Variants in KCNB2 observed in about 807,000 individuals in gnomAD.
The protein encoded by KCNB2 is potassium voltage-gated channel subfamily B member 2.
In KCNB2, 15 loss-of-function variants were observed where a neutral mutation model predicts 61.5. The ratio of observed to expected loss-of-function variants is 0.24; its 90% confidence interval spans 0.16 to 0.38. The LOEUF (loss-of-function observed/expected upper bound fraction) is 0.38, where lower values mean the gene tolerates loss of function less well. Ranked by LOEUF, KCNB2 falls within the 10% of genes least tolerant of loss-of-function variation. The pLI is 1.00. For missense variants in KCNB2, 828 were observed against 1,125.2 expected, an observed-to-expected ratio of 0.74 and a Z score of 3.78; for synonymous variants, 457 against 446.0, an observed-to-expected ratio of 1.02 and a Z score of -0.31.
In KCNB2 at chr8:72,568,201, C is replaced by T; in HGVS notation, c.467C>T (p.Ala156Val). 6.2e-7 allele frequency: 1 copy of T among 1,614,114 alleles called. No individual in the cohort carries two copies. The highest frequency in any genetic ancestry group is 8.5e-7 in the Non-Finnish European group (1 of 1,180,014). ...EQMNEELRRE[A>V]ETMREREGEE... ...ATGAACGAAGAACTGAGGCGAGAGG[C>T]AGAGACTATGCGAGAGCGAGAAGGA... Residue 156 changes from alanine (A) to valine (V), a missense_variant, in exon 2 of 3, where the codon GCA becomes GTA. Around this residue, in one of 4 missense-constraint regions of KCNB2, gnomAD observed 163 missense variants for 314.4 expected, o/e 0.52. Transcript: ENST00000523207.
chr8:72,630,831 C>A (rs1381415237), intron 2 of KCNB2, among the ~76,000 whole-genome samples: 1 of 152,126 alleles, frequency 6.6e-6, no homozygotes, highest in Non-Finnish European at 1.5e-5. Context: ...AAAGAAGATA[C>A]ATCAGGACAC....
In KCNB2 at chr8:72,629,352, G is replaced by A. The variant is rs115353599; in HGVS notation, c.579+61039G>A. On this transcript the variant is annotated intron_variant, in intron 2 of 2. Coordinates refer to ENST00000523207, the MANE Select transcript of KCNB2 (RefSeq NM_004770.3). ...AGTCAGGTAAGCTCGCCCCTTATGG[G>A]AGTCTATGCTTTCTAGAAACTCCAC... Among the ~76,000 whole-genome samples, 797 of 152,256 alleles carry A rather than the reference G, an allele frequency of 5.2e-3. 10 individuals carry two copies. Among genetic ancestry groups the A allele is most frequent in the African/African-American group, 0.018 (750 of 41,558 alleles).
intron 2 of KCNB2, among the ~76,000 whole-genome samples, chr8:72,590,449 GA>G (rs1478507062): frequency 2.0e-5 from 3 of 152,018 alleles, no homozygotes; most frequent in Admixed American, 6.6e-5. Context: ...TCTTTTAAAA[GA>G]AAAGCTCATT....
At chr8:72,804,692 A>C (rs1414007608) in intron 2 of KCNB2, among the ~76,000 whole-genome samples, 1 of 152,228 alleles carries the variant, frequency 6.6e-6, no homozygotes, top group Non-Finnish European at 1.5e-5. Context: ...ATAAAATGAA[A>C]AGAATGGCAA....
At chr8:72,632,392 A>G (rs1457424036) in intron 2 of KCNB2, among the ~76,000 whole-genome samples, 1 of 152,206 alleles carries the variant, frequency 6.6e-6, no homozygotes, top group East Asian at 1.9e-4. Flanking sequence ...CATATTTTCT[A>G]TGGCTGCTTT....
At chr8:72,919,959 C>T (rs1806476543) in intron 2 of KCNB2, among the ~76,000 whole-genome samples, 1 of 152,038 alleles carries the variant, frequency 6.6e-6, no homozygotes, top group Non-Finnish European at 1.5e-5. Context: ...TATATTTAAG[C>T]TCTAATCTCA....
At chr8:72,711,230 G>A (rs572172293) in intron 2 of KCNB2, among the ~76,000 whole-genome samples, 2 of 152,308 alleles carry the variant, frequency 1.3e-5, no homozygotes, top group East Asian at 3.9e-4. Flanking sequence ...AAACTACTTG[G>A]CCAGAGCATC....
At chr8:72,671,039 G>A (rs954164427) in intron 2 of KCNB2, among the ~76,000 whole-genome samples, 1 of 152,128 alleles carries the variant, frequency 6.6e-6, no homozygotes, top group Admixed American at 6.5e-5. Context: ...ACATAATAAA[G>A]TTACGGAATT....
chr8:72,928,191 CTTTTTTTTTT>C (rs879676235), intron 2 of KCNB2, among the ~76,000 whole-genome samples: 2 of 134,908 alleles, frequency 1.5e-5, no homozygotes, highest in Non-Finnish European at 3.2e-5. Context: ...CACTTTCTTT[CTTTTTTTTTT>C]TTTTTTTTTG....
chr8:72,890,817 C>T (rs970933385), intron 2 of KCNB2, among the ~76,000 whole-genome samples: 12 of 152,136 alleles, frequency 7.9e-5, no homozygotes, highest in Admixed American at 3.9e-4. Flanking sequence ...CTGTAAACAA[C>T]GATAGATGTA....
intron 2 of KCNB2, among the ~76,000 whole-genome samples, chr8:72,608,706 C>A (rs1164363172): frequency 6.6e-6 from 1 of 152,106 alleles, no homozygotes. Context: ...ACAATGGAGT[C>A]TCTCCAAGAT....
intron 2 of KCNB2, among the ~76,000 whole-genome samples, chr8:72,912,489 C>CATAT (rs5892374): frequency 0.011 from 1,479 of 137,288 alleles, 7 homozygotes; most frequent in East Asian, 0.031. Flanking sequence ...AGCTTTTATT[C>CATAT]ATATATATAT....
At chr8:72,660,433 A>G (rs1035227992) in intron 2 of KCNB2, among the ~76,000 whole-genome samples, 8 of 152,146 alleles carry the variant, frequency 5.3e-5, no homozygotes, top group Non-Finnish European at 8.8e-5. Context: ...TCACAACCAG[A>G]TGCTCCTTTT....
chr8:72,660,533 T>G lies in KCNB2; in HGVS notation c.579+92220T>G, dbSNP rs537344524. The G allele has an allele frequency of 3.9e-5, 6 of 152,344 alleles. No homozygotes were observed. In the East Asian group the frequency reaches 9.6e-4, roughly 24 times the overall value. 9.4% of individuals were successfully genotyped at this position (152,344 alleles called of 1,614,324 possible). A position where few individuals can be genotyped will look rare whatever the true frequency, so the allele number is the denominator to read the frequency against. On this transcript the variant is annotated intron_variant, in intron 2 of 2. Transcript: ENST00000523207. Reference sequence around the variant, plus strand: ...ATTTCCAACATCAGAGACATAAGTATGCCTTTTGGAATGTTTAAATTCTTC... The same window carrying G: ...ATTTCCAACATCAGAGACATAAGTAGGCCTTTTGGAATGTTTAAATTCTTC...
At chr8:72,705,490 G>T (rs1471924897) in intron 2 of KCNB2, among the ~76,000 whole-genome samples, 1 of 152,250 alleles carries the variant, frequency 6.6e-6, no homozygotes. Flanking sequence ...CACTCATGGA[G>T]AGAAGATTAA....
At chr8:72,715,691 T>C (rs1174643840) in intron 2 of KCNB2, among the ~76,000 whole-genome samples, 2 of 152,034 alleles carry the variant, frequency 1.3e-5, no homozygotes, top group African/African-American at 2.4e-5. Flanking sequence ...TAGCACTAAG[T>C]GCCCACAAGA....
intron 2 of KCNB2, among the ~76,000 whole-genome samples, chr8:72,704,367 A>G (rs1255886050): frequency 6.6e-6 from 1 of 152,188 alleles, no homozygotes; most frequent in East Asian, 1.9e-4. Context: ...TCAGAAAAGC[A>G]AGTAACTTGC....
chr8:72,787,733 C>T (rs571814095), intron 2 of KCNB2, among the ~76,000 whole-genome samples: 4 of 152,232 alleles, frequency 2.6e-5, no homozygotes, highest in South Asian at 2.1e-4. Context: ...CTTGCCTCTT[C>T]CCTAACCCCC....
intron 2 of KCNB2, among the ~76,000 whole-genome samples, chr8:72,810,284 A>G (rs1270047225): frequency 1.3e-5 from 2 of 152,228 alleles, no homozygotes; most frequent in East Asian, 1.9e-4. Flanking sequence ...CATCTAATTT[A>G]TCATCCATTT....
Sources: gnomAD v4.1 joint callset for allele counts (sites outside exome capture counted in the v4.1 genomes callset) on GRCh38, gnomAD v4.1.1 for gene constraint, gnomAD v4.1.1 regional missense constraint, MANE v1.5 for transcripts, NCBI Gene and HGNC (gene_info 2026-07-23, HGNC 2026-07-21) for gene names.